CFAP96: variants seen among roughly 807,000 people sequenced by gnomAD.
The protein encoded by CFAP96 is cilia-and flagella-associated protein 96.
the CFAP96 span, chr4:185,429,542 A>C: frequency 8.7e-7 from 1 of 1,151,702 alleles, no homozygotes; most frequent in Non-Finnish European, 1.2e-6. Flanking sequence ...CTATGGACGA[A>C]TAGTGGGTAT....
the CFAP96 span, chr4:185,440,493 A>T: frequency 1.5e-5 from 18 of 1,215,228 alleles, no homozygotes; most frequent in Non-Finnish European, 1.8e-5. Flanking sequence ...GGTTATTTTC[A>T]ATTTGTGAAA....
the CFAP96 span, among the ~76,000 whole-genome samples, chr4:185,422,245 G>T: frequency 6.6e-6 from 1 of 152,234 alleles, no homozygotes; most frequent in Non-Finnish European, 1.5e-5. Context: ...AATTAATGAA[G>T]AGGGGAGTAA....
At chr4:185,445,418 G>T in the CFAP96 span, 23 of 960,712 alleles carry the variant, frequency 2.4e-5, no homozygotes, top group Non-Finnish European at 3.4e-5. Flanking sequence ...CATTTGAGAT[G>T]AGTTAGATAT....
the CFAP96 span, chr4:185,440,663 G>A: frequency 9.5e-5 from 143 of 1,507,258 alleles, 2 homozygotes; most frequent in South Asian, 1.5e-3. Flanking sequence ...AATTAAAAAA[G>A]AAGAGAAGAA....
At chr4:185,414,731 G>A in the CFAP96 span, among the ~76,000 whole-genome samples, 1 of 152,160 alleles carries the variant, frequency 6.6e-6, no homozygotes, top group African/African-American at 2.4e-5. Flanking sequence ...CCTTACTTGT[G>A]GAGTATTACC....
chr4:185,429,254 T>C, the CFAP96 span: 1 of 497,664 alleles, frequency 2.0e-6, no homozygotes, highest in Non-Finnish European at 3.5e-6. Flanking sequence ...ACTCTCAGAC[T>C]GAAAGTAATT....
At chr4:185,419,978 A>G in the CFAP96 span, among the ~76,000 whole-genome samples, 1 of 152,230 alleles carries the variant, frequency 6.6e-6, no homozygotes, top group African/African-American at 2.4e-5. Context: ...TCACACTTTC[A>G]GGAACTGCCA....
At chr4:185,428,748 C>T in the CFAP96 span, among the ~76,000 whole-genome samples, 5 of 151,596 alleles carry the variant, frequency 3.3e-5, no homozygotes, top group African/African-American at 4.8e-5. Context: ...TGTTTTTGTT[C>T]TCGTTTTTAT....
chr4:185,411,995 A>C, the CFAP96 span, among the ~76,000 whole-genome samples: 1 of 152,210 alleles, frequency 6.6e-6, no homozygotes, highest in Non-Finnish European at 1.5e-5. Flanking sequence ...ATGAACACAA[A>C]ACCCATAATA....
chr4:185,415,718 T>C, the CFAP96 span: 3 of 1,608,456 alleles, frequency 1.9e-6, no homozygotes, highest in Non-Finnish European at 2.5e-6. Flanking sequence ...ACTTTCCCCA[T>C]GTTTCTTCTG....
At chr4:185,410,175 A>G in the CFAP96 span, among the ~76,000 whole-genome samples, 20 of 152,340 alleles carry the variant, frequency 1.3e-4, no homozygotes, top group African/African-American at 4.8e-4. Context: ...AAAAAGAAAA[A>G]TAAATTCTGA....
the CFAP96 span, among the ~76,000 whole-genome samples, chr4:185,426,905 A>T: frequency 8.3e-5 from 7 of 84,516 alleles, no homozygotes; most frequent in Admixed American, 7.3e-4. Context: ...AAAAAAAAAA[A>T]AAAAAAAAAA....
chr4:185,432,440 A>G, the CFAP96 span, among the ~76,000 whole-genome samples: 2 of 152,200 alleles, frequency 1.3e-5, no homozygotes, highest in African/African-American at 2.4e-5. Context: ...CTATTTGTTG[A>G]TATAATAAAA....
At chr4:185,434,555 A>G in the CFAP96 span, among the ~76,000 whole-genome samples, 1 of 152,182 alleles carries the variant, frequency 6.6e-6, no homozygotes, top group Admixed American at 6.5e-5. Context: ...TCAGCCAAGA[A>G]ATAATAACAG....
At chr4:185,415,624 C>G in the CFAP96 span, 1 of 1,200,756 alleles carries the variant, frequency 8.3e-7, no homozygotes, top group South Asian at 1.6e-5. Flanking sequence ...AAAATCACAC[C>G]TTAGGTATAC....
At chr4:185,430,137 G>A in the CFAP96 span, among the ~76,000 whole-genome samples, 1 of 152,138 alleles carries the variant, frequency 6.6e-6, no homozygotes, top group Admixed American at 6.6e-5. Flanking sequence ...ATTTACATTT[G>A]CGTCCAAGAA....
chr4:185,445,583 A>G, the CFAP96 span: 1 of 1,241,144 alleles, frequency 8.1e-7, no homozygotes, highest in Non-Finnish European at 1.2e-6. Context: ...AAAAATGCCA[A>G]CATAACTATA....
chr4:185,449,306 A>G, the CFAP96 span, among the ~76,000 whole-genome samples: 2 of 152,154 alleles, frequency 1.3e-5, no homozygotes, highest in African/African-American at 4.8e-5. Context: ...AGATCGCTTG[A>G]GCCCAGGATT....
the CFAP96 span, chr4:185,431,887 G>T: frequency 2.0e-6 from 2 of 1,003,352 alleles, no homozygotes; most frequent in Non-Finnish European, 2.9e-6. Flanking sequence ...ATTCATAATT[G>T]GCCCAAATCA....
Sources: allele counts gnomAD v4.1 joint callset (sites outside exome capture counted in the v4.1 genomes callset), GRCh38; gene constraint gnomAD v4.1.1; transcripts MANE v1.5; gene names NCBI Gene and HGNC (gene_info 2026-07-23, HGNC 2026-07-21).